RBFOX1: variants seen among roughly 807,000 people sequenced by gnomAD.
RBFOX1 encodes the protein RNA binding fox-1 homolog 1.
Under a neutral mutation model 57.7 loss-of-function variants are expected in RBFOX1, and 8 were observed. That is an observed-to-expected ratio of 0.14 (90% CI 0.08 to 0.25). The LOEUF (loss-of-function observed/expected upper bound fraction) is 0.25. Among genes scored for constraint, RBFOX1 ranks in the 10% least tolerant of loss-of-function variants. The probability of loss-of-function intolerance (pLI) is 1.00; values close to 1 mark genes in which losing one functional copy is unlikely to be tolerated. For synonymous variants in RBFOX1, 326 were observed against 222.4 expected, an observed-to-expected ratio of 1.47 and a Z score of -4.15; for missense variants, 611 against 548.5, an observed-to-expected ratio of 1.11 and a Z score of -1.14.
chr16:7,183,399 G>C (rs2083114324), intron 4 of RBFOX1, among the ~76,000 whole-genome samples: 1 of 152,158 alleles, frequency 6.6e-6, no homozygotes, highest in Admixed American at 6.5e-5. Context: ...CAGCACTTGA[G>C]GCCAGTGGGC....
intron 3 of RBFOX1, among the ~76,000 whole-genome samples, chr16:6,735,031 G>C (rs922388748): frequency 3.9e-5 from 6 of 151,996 alleles, no homozygotes; most frequent in African/African-American, 1.2e-4. Flanking sequence ...TGTGTTCTCA[G>C]CTACTTGGAA....
chr16:5,836,631 A>C (rs2056467043), intron 3 of RBFOX1, among the ~76,000 whole-genome samples: 1 of 152,102 alleles, frequency 6.6e-6, no homozygotes, highest in African/African-American at 2.4e-5. Flanking sequence ...GGATTTCTCA[A>C]ACTTTGCACT....
At chr16:6,979,355 T>A (rs978196645) in intron 3 of RBFOX1, among the ~76,000 whole-genome samples, 1 of 148,234 alleles carries the variant, frequency 6.7e-6, no homozygotes, top group African/African-American at 2.5e-5. Flanking sequence ...TCAGTGTAAT[T>A]ATGAAAACAT....
chr16:5,400,385 A>C (rs777709216), intron 1 of RBFOX1, among the ~76,000 whole-genome samples: 7 of 151,914 alleles, frequency 4.6e-5, no homozygotes, highest in South Asian at 2.1e-4. Context: ...GAGCCACCAC[A>C]CCCGGCCACT....
chr16:6,754,039 A>T (rs985140212), intron 3 of RBFOX1, among the ~76,000 whole-genome samples: 1 of 152,132 alleles, frequency 6.6e-6, no homozygotes, highest in Admixed American at 6.5e-5. Context: ...AGTTTATCCA[A>T]TATACATACC....
intron 5 of RBFOX1, among the ~76,000 whole-genome samples, chr16:7,545,249 C>G (rs945873303): frequency 6.6e-6 from 1 of 152,114 alleles, no homozygotes; most frequent in African/African-American, 2.4e-5. Flanking sequence ...CCTGCCTTTC[C>G]TTTCCTGAAA....
chr16:5,815,470 A>G (rs183131822), intron 3 of RBFOX1, among the ~76,000 whole-genome samples: 6 of 152,190 alleles, frequency 3.9e-5, no homozygotes, highest in Admixed American at 3.3e-4. Flanking sequence ...GGTGCTAAGA[A>G]AAGAGCCTGA....
intron 3 of RBFOX1, among the ~76,000 whole-genome samples, chr16:6,764,012 T>C (rs749186308): frequency 2.6e-5 from 4 of 152,220 alleles, no homozygotes; most frequent in Non-Finnish European, 4.4e-5. Flanking sequence ...TAGCAGGATG[T>C]TAATGCTGTC....
At chr16:7,318,187 T>C (rs1250258594) in intron 4 of RBFOX1, among the ~76,000 whole-genome samples, 1 of 151,706 alleles carries the variant, frequency 6.6e-6, no homozygotes, top group Non-Finnish European at 1.5e-5. Context: ...GTGATGGTGA[T>C]AGTGATGGTG....
intron 3 of RBFOX1, among the ~76,000 whole-genome samples, chr16:6,994,270 C>G (rs766504397): frequency 6.6e-6 from 1 of 152,158 alleles, no homozygotes; most frequent in Non-Finnish European, 1.5e-5. Flanking sequence ...TAATGGAATT[C>G]TGCCTTCCGA....
intron 2 of RBFOX1, among the ~76,000 whole-genome samples, chr16:6,532,105 T>C (rs1462806373): frequency 6.6e-6 from 1 of 152,104 alleles, no homozygotes; most frequent in Non-Finnish European, 1.5e-5. Flanking sequence ...GCACATCCCA[T>C]TGGCCAGACT....
At chr16:6,917,090 A>T (rs986231562) in intron 3 of RBFOX1, among the ~76,000 whole-genome samples, 1 of 152,226 alleles carries the variant, frequency 6.6e-6, no homozygotes, top group Non-Finnish European at 1.5e-5. Flanking sequence ...ATCTGAGGTT[A>T]TCCACCTGCC....
At chr16:6,633,555 A>G (rs1018276763) in intron 2 of RBFOX1, among the ~76,000 whole-genome samples, 3 of 152,042 alleles carry the variant, frequency 2.0e-5, no homozygotes, top group East Asian at 1.9e-4. Flanking sequence ...GGGCCTCCCA[A>G]TGTGCTGGGA....
chr16:7,451,871 T>A (rs1474393221), intron 4 of RBFOX1, among the ~76,000 whole-genome samples: 4 of 152,250 alleles, frequency 2.6e-5, no homozygotes, highest in Admixed American at 1.3e-4. Context: ...GGGGGTTCAT[T>A]TAAGCAGCAG....
At chr16:6,520,558 C>T (rs2096478617) in intron 2 of RBFOX1, among the ~76,000 whole-genome samples, 1 of 151,702 alleles carries the variant, frequency 6.6e-6, no homozygotes, top group Non-Finnish European at 1.5e-5. Flanking sequence ...AGCAAAAAAA[C>T]ATTGGTTCTA....
chr16:5,522,033 G>A (rs2044040288), intron 2 of RBFOX1, among the ~76,000 whole-genome samples: 1 of 152,196 alleles, frequency 6.6e-6, no homozygotes. Context: ...CAGCACCCGG[G>A]ATTCGACTGG....
chr16:7,134,198 G>C (rs1280759837), intron 4 of RBFOX1, among the ~76,000 whole-genome samples: 1 of 152,138 alleles, frequency 6.6e-6, no homozygotes, highest in Admixed American at 6.6e-5. Flanking sequence ...AGGTCCAGAT[G>C]AAATTTATTG....
intron 2 of RBFOX1, among the ~76,000 whole-genome samples, chr16:6,408,362 A>G (rs751087726): frequency 6.6e-6 from 1 of 152,052 alleles, no homozygotes; most frequent in African/African-American, 2.4e-5. Flanking sequence ...TACCAGTGGG[A>G]TGTATTTAAT....
intron 4 of RBFOX1, among the ~76,000 whole-genome samples, chr16:7,149,318 G>A (rs2075667610): frequency 6.6e-6 from 1 of 152,040 alleles, no homozygotes; most frequent in Non-Finnish European, 1.5e-5. Flanking sequence ...TCAGGATGCA[G>A]GGTAAAGAGT....
Sources: gnomAD v4.1 joint callset for allele counts (sites outside exome capture counted in the v4.1 genomes callset) on GRCh38, gnomAD v4.1.1 for gene constraint, MANE v1.5 for transcripts, NCBI Gene and HGNC (gene_info 2026-07-23, HGNC 2026-07-21) for gene names.